Variants in RUNX1 observed in about 807,000 individuals in gnomAD.
RUNX1 encodes runt-related transcription factor 1.
RUNX1 carries 19 observed loss-of-function variants against 42.8 expected under a neutral mutation model. That is an observed-to-expected ratio of 0.44 (90% confidence interval 0.31 to 0.65). RUNX1 has a LOEUF of 0.65. Among genes scored for constraint, RUNX1 ranks in the 30% least tolerant of loss-of-function variants. RUNX1 has a pLI of 0.07. For synonymous variants in RUNX1, 271 were observed against 289.4 expected (o/e 0.94, Z 0.64); for missense variants, 528 against 672.0 (o/e 0.79, Z 2.37).
chr21:34,959,400 C>G (rs989586237), intron 2 of RUNX1, among the ~76,000 whole-genome samples: 1 of 152,108 alleles, frequency 6.6e-6, no homozygotes, highest in Non-Finnish European at 1.5e-5. Flanking sequence ...ATGTATCTAC[C>G]TCATAGGATT....
intron 2 of RUNX1, among the ~76,000 whole-genome samples, chr21:35,043,809 C>T (rs952922317): frequency 2.0e-5 from 3 of 152,198 alleles, no homozygotes; most frequent in Admixed American, 2.0e-4. Flanking sequence ...ATCAAAGCTA[C>T]CTTCATGTCT....
At chr21:34,851,451 A>G (rs2057417558) in intron 6 of RUNX1, among the ~76,000 whole-genome samples, 1 of 152,258 alleles carries the variant, frequency 6.6e-6, no homozygotes, top group Non-Finnish European at 1.5e-5. Flanking sequence ...TGAAGACGAA[A>G]GTATTTAAGA....
Position 34,986,982 on chromosome 21 carries a change from A to G in RUNX1, c.58+61860T>C, listed in dbSNP as rs115833602. On this transcript the variant is annotated intron_variant, in intron 2 of 8. Transcript: ENST00000675419. Reference sequence around the variant, plus strand: ...CATGTTGTCCCTGAAGCCAGTCCCAATGGGACCGACATGATTGACAGGCCA... The same window carrying G: ...CATGTTGTCCCTGAAGCCAGTCCCAGTGGGACCGACATGATTGACAGGCCA... 2.1e-3 allele frequency among the ~76,000 whole-genome samples: 319 copies of G among 152,250 alleles called. 3 individuals carry two copies. The highest frequency in any genetic ancestry group is 7.2e-3 in the African/African-American group (301 of 41,562).
intron 2 of RUNX1, among the ~76,000 whole-genome samples, chr21:34,919,797 A>C (rs1009343298): frequency 2.0e-5 from 3 of 152,220 alleles, no homozygotes; most frequent in African/African-American, 7.2e-5. Flanking sequence ...ATTGTAGGAC[A>C]TTAGAACGAA....
intron 2 of RUNX1, among the ~76,000 whole-genome samples, chr21:34,996,853 A>T (rs1397809875): frequency 2.6e-5 from 4 of 152,152 alleles, no homozygotes; most frequent in African/African-American, 9.7e-5. Flanking sequence ...ACACACATAC[A>T]CAGCAAACCC....
At chr21:34,864,958 A>G (rs113831240) in intron 5 of RUNX1, among the ~76,000 whole-genome samples, 3 of 152,150 alleles carry the variant, frequency 2.0e-5, no homozygotes, top group African/African-American at 7.2e-5. Context: ...AAGGCAACCT[A>G]CTTAGGTTCA....
In RUNX1 at chr21:34,843,766, A is replaced by G. The variant is rs1366170625; in HGVS notation, c.614-9165T>C. ...GAGTCCAGGGCTCATTGCCACGAGC[A>G]GTGGAGTTTTTCGCCCACTCACATG... On this transcript the variant is annotated intron_variant, in intron 6 of 8. Coordinates refer to ENST00000675419, the MANE Select transcript of RUNX1 (RefSeq NM_001754.5). This position sits in a 1 kb window ranked among gnomAD's most constrained non-coding sequence, Gnocchi z 4.8. Among the ~76,000 whole-genome samples the G allele has an allele frequency of 6.6e-6, 1 of 151,838 alleles. No individual in the cohort carries two copies. Among genetic ancestry groups the G allele is most frequent in the Non-Finnish European group, 1.5e-5 (1 of 67,992 alleles).
chr21:35,002,426 A>ATTAT (rs1169539078), intron 2 of RUNX1, among the ~76,000 whole-genome samples: 2,413 of 129,088 alleles, frequency 0.019, 36 homozygotes, highest in Middle Eastern at 0.032. Context: ...TTATTTATTT[A>ATTAT]TTATTTATTT....
At chr21:34,916,643 A>C (rs2146539372) in intron 2 of RUNX1, among the ~76,000 whole-genome samples, 1 of 152,150 alleles carries the variant, frequency 6.6e-6, no homozygotes, top group East Asian at 1.9e-4. Flanking sequence ...GGGTTTAGAC[A>C]GGCAAAAATG....
Position 34,799,477 on chromosome 21 carries a change from A to G in RUNX1, c.806-15T>C. 1.2e-6 allele frequency: 2 copies of G among 1,613,206 alleles called. No individual in the cohort carries two copies. Among genetic ancestry groups the G allele is most frequent in the African/African-American group, 1.3e-5 (1 of 75,022 alleles). ...CTGCCTTGTATCTGAAGAGAATCAG[A>G]AAGGTCAATTATATGTAAAGTGGGG... On this transcript the variant is annotated splice_polypyrimidine_tract_variant and intron_variant, in intron 7 of 8. Coordinates refer to ENST00000675419, the MANE Select transcript of RUNX1 (RefSeq NM_001754.5).
chr21:34,992,086 C>A (rs1053841277), intron 2 of RUNX1, among the ~76,000 whole-genome samples: 1 of 152,232 alleles, frequency 6.6e-6, no homozygotes, highest in African/African-American at 2.4e-5. Context: ...TTTTCAGCCA[C>A]CCAGTTTGTA....
At chr21:34,941,198 C>T (rs147727244) in intron 2 of RUNX1, among the ~76,000 whole-genome samples, 180 of 152,332 alleles carry the variant, frequency 1.2e-3, no homozygotes, top group Middle Eastern at 6.8e-3. Context: ...GTCCAGGAGT[C>T]CCTCTGGCTC....
At chr21:35,014,247 T>G (rs750274666) in intron 2 of RUNX1, among the ~76,000 whole-genome samples, 10 of 152,248 alleles carry the variant, frequency 6.6e-5, no homozygotes, top group Non-Finnish European at 1.5e-4. Context: ...CAATTTCAGC[T>G]GGTATCTAAG....
chr21:34,878,584 G>C (rs1045045656), intron 5 of RUNX1, among the ~76,000 whole-genome samples: 16 of 152,020 alleles, frequency 1.1e-4, no homozygotes, highest in Non-Finnish European at 1.9e-4. Flanking sequence ...CCCAGCCTTG[G>C]TTGCAGCTAT....
At chr21:34,851,945 T>G (rs1336675629) in intron 6 of RUNX1, among the ~76,000 whole-genome samples, 1 of 152,168 alleles carries the variant, frequency 6.6e-6, no homozygotes, top group African/African-American at 2.4e-5. Flanking sequence ...GGCGGGTGGA[T>G]CAGCTGAGGT....
intron 2 of RUNX1, among the ~76,000 whole-genome samples, chr21:34,930,810 G>A (rs965159548): frequency 3.9e-5 from 6 of 152,074 alleles, no homozygotes; most frequent in African/African-American, 1.4e-4. Context: ...AAAACTGCAA[G>A]TGAACCATAT....
At position 34,856,573 on chromosome 21, in the gene RUNX1, A is replaced by G. The variant is rs984669573; in HGVS notation, c.613+2901T>C. 9.9e-6 allele frequency: 4 copies of G among 402,888 alleles called. No individual in the cohort carries two copies. The Admixed American group carries it at 1.3e-4, about 13-fold the overall frequency. The allele number at this position is 402,888 out of a possible 1,614,324, so 25.0% of individuals were successfully genotyped here. On this transcript the variant is annotated intron_variant, in intron 6 of 8. Coordinates refer to ENST00000675419, the MANE Select transcript of RUNX1 (RefSeq NM_001754.5). The stretch of plus-strand genomic sequence containing the variant: ...ACATCAGGAACTCCTCATTCTGTTA[A>G]CGCTTCATCATCAACTATCTCTTTT...
chr21:34,880,738 G>A (rs767777913), intron 4 of RUNX1, 25 bp from the exon 5 acceptor site: 1 of 1,613,142 alleles, frequency 6.2e-7, no homozygotes, highest in East Asian at 2.2e-5. Context: ...AAGGACAAAT[G>A]CAGACATCAG....
chr21:34,843,240 T>C lies in RUNX1; in HGVS notation c.614-8639A>G, dbSNP rs2057267713. On this transcript the variant is annotated intron_variant, in intron 6 of 8. Transcript: ENST00000675419. This position sits in a 1 kb window ranked among gnomAD's most constrained non-coding sequence, Gnocchi z 4.8. ...CACAGATATAAAACACACATGGGGA[T>C]ACACACATATAAATACACACAGACA... 6.6e-6 allele frequency among the ~76,000 whole-genome samples: 1 copy of C among 151,352 alleles called. No individual in the cohort carries two copies. Among genetic ancestry groups the C allele is most frequent in the African/African-American group, 2.4e-5 (1 of 41,106 alleles).
Sources: gnomAD v4.1 joint callset for allele counts (sites outside exome capture counted in the v4.1 genomes callset) on GRCh38, gnomAD v4.1.1 for gene constraint, Gnocchi (gnomAD v3.1) non-coding constraint, MANE v1.5 for transcripts, NCBI Gene and HGNC (gene_info 2026-07-23, HGNC 2026-07-21) for gene names.